The following METTL2A variants were observed in gnomAD, a reference collection of about 807,000 sequenced individuals.
METTL2A encodes the protein tRNA N(3)-cytidine methyltransferase METTL2A.
A neutral mutation model predicts 49.4 loss-of-function variants in METTL2A; 45 were observed. That is an observed-to-expected ratio of 0.91 (90% CI 0.72 to 1.17). METTL2A has a LOEUF of 1.17. Ranked by LOEUF, METTL2A falls within the 50% of genes most tolerant of loss-of-function variation. The pLI is 0.00. For synonymous variants in METTL2A, 118 were observed against 167.5 expected, an observed-to-expected ratio of 0.70 and a Z score of 2.28; for missense variants, 361 against 462.2, an observed-to-expected ratio of 0.78 and a Z score of 2.01.
At chr17:62,433,946 G>A (rs1410917073) in intron 4 of METTL2A, among the ~76,000 whole-genome samples, 17 of 151,868 alleles carry the variant, frequency 1.1e-4, no homozygotes, top group African/African-American at 4.1e-4. Flanking sequence ...CCTGTAATCC[G>A]AGCTACTTGG....
At chr17:62,437,831 G>A (rs1364495672) in intron 5 of METTL2A, among the ~76,000 whole-genome samples, 1 of 152,074 alleles carries the variant, frequency 6.6e-6, no homozygotes, top group Admixed American at 6.6e-5. Context: ...ATTTAGCTGG[G>A]TTTGGTGGCA....
chr17:62,431,112 G>C (rs1226897000), intron 4 of METTL2A, among the ~76,000 whole-genome samples: 1 of 151,858 alleles, frequency 6.6e-6, no homozygotes, highest in Non-Finnish European at 1.5e-5. Flanking sequence ...TGATCCACCC[G>C]CCTCAGCCTC....
At chr17:62,428,032 C>A (rs2070639916) in intron 4 of METTL2A, among the ~76,000 whole-genome samples, 195 bp downstream of exon 4, 1 of 152,230 alleles carries the variant, frequency 6.6e-6, no homozygotes, top group Admixed American at 6.5e-5. Context: ...CTGCATCAAA[C>A]TATCAGTAAT....
intron 2 of METTL2A, 111 bp from the exon 3 acceptor site, chr17:62,426,188 G>A: frequency 9.4e-7 from 1 of 1,068,722 alleles, no homozygotes; most frequent in Non-Finnish European, 1.3e-6. Context: ...GGCTCTACCT[G>A]AGGATACTTT....
chr17:62,425,796 C>T (rs113403419), intron 2 of METTL2A, among the ~76,000 whole-genome samples: 5 of 147,986 alleles, frequency 3.4e-5, no homozygotes, highest in Admixed American at 1.4e-4. Flanking sequence ...GTCAGGAGAT[C>T]GAGACCATCC....
Position 62,452,845 on chromosome 17 carries a change from A to G in METTL2A, c.*4116A>G, listed in dbSNP as rs1460308618. On this transcript the variant is annotated 3_prime_UTR_variant, in exon 9 of 9. Transcript: ENST00000311506. ...GGCTGGTCTTGAACTCCTGAGCTCAAGCAATCCTCCCACCTCGGCCTCCCA... is the reference window on the plus strand; with the variant it reads ...GGCTGGTCTTGAACTCCTGAGCTCAGGCAATCCTCCCACCTCGGCCTCCCA... Among the ~76,000 whole-genome samples the G allele has an allele frequency of 1.3e-5, 2 of 152,164 alleles. No homozygotes were observed. The highest frequency in any genetic ancestry group is 4.8e-5 in the African/African-American group (2 of 41,432).
intron 4 of METTL2A, among the ~76,000 whole-genome samples, chr17:62,433,454 A>G (rs2070679444): frequency 6.7e-6 from 1 of 150,288 alleles, no homozygotes; most frequent in South Asian, 2.1e-4. Context: ...GAAAAGCACA[A>G]AGAGGCCAGG....
At chr17:62,442,580 A>G (rs2070744817) in intron 6 of METTL2A, among the ~76,000 whole-genome samples, 1 of 152,170 alleles carries the variant, frequency 6.6e-6, no homozygotes, top group Non-Finnish European at 1.5e-5. Flanking sequence ...CAACCTGACC[A>G]AAACTACCTT....
At chr17:62,441,647 A>G (rs2070739413) in intron 6 of METTL2A, among the ~76,000 whole-genome samples, 1 of 150,680 alleles carries the variant, frequency 6.6e-6, no homozygotes, top group South Asian at 2.1e-4. Context: ...GGGTTTCACC[A>G]TGTTGGCCAG....
rs2070798423 is a variant in METTL2A at position 62,450,309 on chromosome 17, C to G, written c.*1580C>G. On this transcript the variant is annotated 3_prime_UTR_variant, in exon 9 of 9. Transcript: ENST00000311506. ...CAGGGCTCTCACTTTGTTGCCCAGG[C>G]TGGAGTTCAGTGGTGCAATGATAGC... 1 of 120,800 alleles carries G rather than the reference C, an allele frequency of 8.3e-6. No individual in the cohort carries two copies. The highest frequency in any genetic ancestry group is 3.3e-5 in the African/African-American group (1 of 30,328). The allele number at this position is 120,800 out of a possible 1,614,324, so 7.5% of individuals were successfully genotyped here. A position where few individuals can be genotyped will look rare whatever the true frequency, so the allele number is the denominator to read the frequency against.
At chr17:62,432,715 T>C (rs917315710) in intron 4 of METTL2A, among the ~76,000 whole-genome samples, 1 of 151,826 alleles carries the variant, frequency 6.6e-6, no homozygotes, top group Admixed American at 6.6e-5. Flanking sequence ...GGCAGGAGAA[T>C]GGCGTGAACC....
intron 2 of METTL2A, among the ~76,000 whole-genome samples, chr17:62,424,584 T>C (rs1386241565): frequency 1.3e-5 from 2 of 152,308 alleles, no homozygotes; most frequent in East Asian, 3.9e-4. Context: ...CACGTTGATA[T>C]GGCTAGCCAA....
chr17:62,425,212 T>G (rs1338514800), intron 2 of METTL2A, among the ~76,000 whole-genome samples: 2 of 151,488 alleles, frequency 1.3e-5, no homozygotes, highest in Non-Finnish European at 2.9e-5. Context: ...GAGTTGTGAG[T>G]TGTTAACACA....
chr17:62,442,356 A>C (rs901400040), intron 6 of METTL2A, among the ~76,000 whole-genome samples: 7 of 151,844 alleles, frequency 4.6e-5, no homozygotes, highest in African/African-American at 1.7e-4. Flanking sequence ...GTTCACTGCA[A>C]CCTCTGCCTC....
chr17:62,440,426 G>A (rs376079593), intron 5 of METTL2A, among the ~76,000 whole-genome samples, 191 bp from the exon 6 acceptor site: 6 of 152,030 alleles, frequency 3.9e-5, no homozygotes, highest in Non-Finnish European at 7.4e-5. Flanking sequence ...TGATCCTATC[G>A]CGTGAACCCA....
chr17:62,440,034 T>C (rs1428714257), intron 5 of METTL2A, among the ~76,000 whole-genome samples: 128 of 151,150 alleles, frequency 8.5e-4, no homozygotes, highest in African/African-American at 2.9e-3. Flanking sequence ...TTTTTTTTTT[T>C]CTTTTTTTTA....
At chr17:62,424,038 C>A (rs772806682) in intron 1 of METTL2A, 26 bp downstream of exon 1, 14 of 1,609,556 alleles carry the variant, frequency 8.7e-6, no homozygotes, top group African/African-American at 1.3e-5. Flanking sequence ...CTTCGCCCGG[C>A]CTGTCGCTGA....
At chr17:62,441,606 C>G (rs1267605827) in intron 6 of METTL2A, among the ~76,000 whole-genome samples, 2 of 151,782 alleles carry the variant, frequency 1.3e-5, no homozygotes, top group African/African-American at 4.8e-5. Flanking sequence ...GCTACCATGC[C>G]CAGCTAATTT....
At position 62,451,014 on chromosome 17, in the gene METTL2A, C is replaced by T. The variant is rs1226013735; in HGVS notation, c.*2285C>T. ...TAACCATTCATGTTTACCCAGTAGT[C>T]CCAATAATAGCTTTGTCACACAAAA... On this transcript the variant is annotated 3_prime_UTR_variant, in exon 9 of 9. Transcript: ENST00000311506. Among the ~76,000 whole-genome samples, 4 of 152,140 alleles carry T rather than the reference C, an allele frequency of 2.6e-5. No homozygotes were observed. Among genetic ancestry groups the T allele is most frequent in the Non-Finnish European group, 4.4e-5 (3 of 68,030 alleles).
Sources: gnomAD v4.1 joint callset for allele counts (sites outside exome capture counted in the v4.1 genomes callset) on GRCh38, gnomAD v4.1.1 for gene constraint, MANE v1.5 for transcripts, NCBI Gene and HGNC (gene_info 2026-07-23, HGNC 2026-07-21) for gene names.